CLVS1: variants seen among roughly 807,000 people sequenced by gnomAD.
The protein encoded by CLVS1 is clavesin-1.
Under a neutral mutation model 33.1 loss-of-function variants are expected in CLVS1, and 10 were observed. The ratio of observed to expected loss-of-function variants is 0.30; its 90% CI spans 0.19 to 0.51. The LOEUF is 0.51. Among genes scored for constraint, CLVS1 ranks in the 20% least tolerant of loss-of-function variants. The pLI, the probability that CLVS1 is intolerant of heterozygous loss-of-function variation, is 0.97. For missense variants in CLVS1, 343 were observed against 433.4 expected (o/e 0.79, Z 1.85); for synonymous variants, 163 against 166.1 (o/e 0.98, Z 0.14).
the CLVS1 span, among the ~76,000 whole-genome samples, chr8:61,032,996 A>AAGGAAG: frequency 9.7e-5 from 5 of 51,510 alleles, no homozygotes; most frequent in East Asian, 4.9e-3. Flanking sequence ...AAGGAAGGAA[A>AAGGAAG]GAAAGAAAGA....
intron 2 of CLVS1, among the ~76,000 whole-genome samples, chr8:61,302,077 C>T (rs1810458414): frequency 6.6e-6 from 1 of 152,124 alleles, no homozygotes; most frequent in Non-Finnish European, 1.5e-5. Context: ...CCTCATGTCA[C>T]TACTCTTCCT....
At chr8:61,063,448 A>G (rs1804622338) in intron 1 of CLVS1, among the ~76,000 whole-genome samples, 1 of 152,206 alleles carries the variant, frequency 6.6e-6, no homozygotes, top group Non-Finnish European at 1.5e-5. Flanking sequence ...AGAGACAGGG[A>G]CCTGTGCACG....
the CLVS1 span, among the ~76,000 whole-genome samples, chr8:61,009,406 G>A: frequency 2.6e-5 from 4 of 152,080 alleles, no homozygotes; most frequent in Non-Finnish European, 4.4e-5. Context: ...CCTCGGCCTC[G>A]CCAAGTGCTG....
intron 1 of CLVS1, among the ~76,000 whole-genome samples, chr8:61,106,275 A>T (rs1028854527): frequency 6.6e-6 from 1 of 152,258 alleles, no homozygotes; most frequent in Non-Finnish European, 1.5e-5. Context: ...AAAAACAAAC[A>T]GGAAACAAAA....
chr8:61,151,841 C>G (rs562738239), intron 2 of CLVS1, among the ~76,000 whole-genome samples: 2 of 152,262 alleles, frequency 1.3e-5, no homozygotes, highest in South Asian at 4.1e-4. Context: ...ATATAAGGCC[C>G]CTTCCTTGCT....
intron 5 of CLVS1, among the ~76,000 whole-genome samples, chr8:61,468,323 T>C (rs1817623612): frequency 6.6e-6 from 1 of 152,204 alleles, no homozygotes; most frequent in African/African-American, 2.4e-5. Flanking sequence ...TATAAGTGTA[T>C]GGTGCATAGA....
At chr8:61,492,566 C>A (rs377436292) in intron 5 of CLVS1, among the ~76,000 whole-genome samples, 1 of 152,166 alleles carries the variant, frequency 6.6e-6, no homozygotes, top group East Asian at 1.9e-4. Context: ...CAGTCAATGT[C>A]CAAGCCCACT....
At chr8:61,076,189 T>C (rs969499165) in intron 1 of CLVS1, among the ~76,000 whole-genome samples, 1 of 152,172 alleles carries the variant, frequency 6.6e-6, no homozygotes, top group Non-Finnish European at 1.5e-5. Context: ...CTTCTCTGTC[T>C]CTCTTCCTTT....
chr8:61,172,194 C>T (rs1345968017), intron 2 of CLVS1, among the ~76,000 whole-genome samples: 1 of 152,072 alleles, frequency 6.6e-6, no homozygotes, highest in Non-Finnish European at 1.5e-5. Context: ...ACGTATTCTT[C>T]CAGGTTACAT....
chr8:61,498,806 T>A (rs1255087902), intron 5 of CLVS1, among the ~76,000 whole-genome samples: 1 of 151,650 alleles, frequency 6.6e-6, no homozygotes, highest in Non-Finnish European at 1.5e-5. Context: ...GTCCAGAGAG[T>A]TTTAAGAACT....
At chr8:61,164,294 AT>A (rs986545150) in intron 2 of CLVS1, among the ~76,000 whole-genome samples, 1 of 152,164 alleles carries the variant, frequency 6.6e-6, no homozygotes, top group Non-Finnish European at 1.5e-5. Context: ...TTAAGAAATT[AT>A]TTTAGACAGA....
chr8:61,077,575 A>G (rs1478413018), intron 1 of CLVS1, among the ~76,000 whole-genome samples: 3 of 151,500 alleles, frequency 2.0e-5, no homozygotes, highest in Non-Finnish European at 2.9e-5. Flanking sequence ...TCCTGGGTTC[A>G]AGTGATTCTC....
chr8:60,998,243 C>T, the CLVS1 span, among the ~76,000 whole-genome samples: 1 of 152,150 alleles, frequency 6.6e-6, no homozygotes, highest in Non-Finnish European at 1.5e-5. Context: ...AGGAGGGGTG[C>T]TGAGTCAATG....
chr8:61,083,028 A>G (rs746150017), intron 1 of CLVS1, among the ~76,000 whole-genome samples: 3 of 152,216 alleles, frequency 2.0e-5, no homozygotes, highest in Non-Finnish European at 2.9e-5. Flanking sequence ...TTCTCAGACA[A>G]ACAAACATTA....
At chr8:61,142,242 T>C (rs1806320415) in intron 2 of CLVS1, among the ~76,000 whole-genome samples, 1 of 152,124 alleles carries the variant, frequency 6.6e-6, no homozygotes, top group Non-Finnish European at 1.5e-5. Context: ...GCTCTAATGG[T>C]TTAAAATGTG....
intron 4 of CLVS1, among the ~76,000 whole-genome samples, chr8:61,455,143 C>T (rs1405601809): frequency 6.6e-6 from 1 of 150,850 alleles, no homozygotes; most frequent in Non-Finnish European, 1.5e-5. Flanking sequence ...CACAATCAAG[C>T]TATTAACACA....
intron 2 of CLVS1, among the ~76,000 whole-genome samples, chr8:61,260,004 C>T (rs542171012): frequency 1.3e-5 from 2 of 152,184 alleles, no homozygotes; most frequent in South Asian, 2.1e-4. Context: ...TCCCTTCACA[C>T]GTGTTGCCTC....
At chr8:61,089,055 T>G (rs1288386285) in intron 1 of CLVS1, among the ~76,000 whole-genome samples, 2 of 152,062 alleles carry the variant, frequency 1.3e-5, no homozygotes, top group African/African-American at 2.4e-5. Flanking sequence ...GCCCGCCTCG[T>G]CCTCCCGAAG....
intron 2 of CLVS1, among the ~76,000 whole-genome samples, chr8:61,190,667 C>A (rs1807451836): frequency 6.6e-6 from 1 of 152,030 alleles, no homozygotes; most frequent in African/African-American, 2.4e-5. Flanking sequence ...ATCAAATACA[C>A]ACAATAAAAA....
Sources: gnomAD v4.1 joint callset for allele counts (sites outside exome capture counted in the v4.1 genomes callset) on GRCh38, gnomAD v4.1.1 for gene constraint, MANE v1.5 for transcripts, NCBI Gene and HGNC (gene_info 2026-07-23, HGNC 2026-07-21) for gene names.